Variants in PCDH9 observed in about 807,000 individuals in gnomAD.
PCDH9 encodes protocadherin-9.
A neutral mutation model predicts 70.6 loss-of-function variants in PCDH9; 24 were observed. The ratio of observed to expected loss-of-function variants is 0.34; its 90% CI spans 0.25 to 0.48. The LOEUF (loss-of-function observed/expected upper bound fraction) is 0.48. Among genes scored for constraint, PCDH9 ranks in the 20% least tolerant of loss-of-function variants. The pLI is 0.99. For missense variants in PCDH9, 1,281 were observed against 1,503.6 expected, an observed-to-expected ratio of 0.85 and a Z score of 2.45; for synonymous variants, 562 against 558.5, an observed-to-expected ratio of 1.01 and a Z score of -0.09.
intron 4 of PCDH9, among the ~76,000 whole-genome samples, chr13:66,587,206 G>T (rs1450146002): frequency 1.3e-5 from 2 of 152,002 alleles, no homozygotes. Context: ...ACTGAAGTAA[G>T]AGGATCCCTT....
At chr13:66,747,585 T>A (rs532147646) in intron 3 of PCDH9, among the ~76,000 whole-genome samples, 1 of 152,230 alleles carries the variant, frequency 6.6e-6, no homozygotes, top group African/African-American at 2.4e-5. Flanking sequence ...AGAATATACT[T>A]ATTAGGTGGT....
chr13:66,763,240 A>T (rs1484955550), intron 3 of PCDH9, among the ~76,000 whole-genome samples: 1 of 152,030 alleles, frequency 6.6e-6, no homozygotes, highest in Non-Finnish European at 1.5e-5. Context: ...AAGCCATGAT[A>T]AATACATATC....
At chr13:66,477,677 T>C (rs1299389175) in intron 4 of PCDH9, among the ~76,000 whole-genome samples, 1 of 152,192 alleles carries the variant, frequency 6.6e-6, no homozygotes, top group Non-Finnish European at 1.5e-5. Context: ...CTTATAGTGT[T>C]TTACATATTA....
At chr13:66,691,320 G>A (rs1328150021) in intron 3 of PCDH9, among the ~76,000 whole-genome samples, 23 of 152,154 alleles carry the variant, frequency 1.5e-4, no homozygotes, top group Admixed American at 1.5e-3. Flanking sequence ...TTACAGTCAT[G>A]AGCCACCGCA....
At chr13:66,350,792 C>A (rs544613491) in intron 4 of PCDH9, among the ~76,000 whole-genome samples, 24 of 152,294 alleles carry the variant, frequency 1.6e-4, no homozygotes, top group African/African-American at 5.8e-4. Context: ...GGCATTCCTG[C>A]TTCTTATTTT....
At chr13:67,113,685 C>G (rs2086702849) in intron 2 of PCDH9, among the ~76,000 whole-genome samples, 1 of 152,044 alleles carries the variant, frequency 6.6e-6, no homozygotes, top group African/African-American at 2.4e-5. Context: ...GTAGCTGGGA[C>G]TACAGGCGCC....
intron 3 of PCDH9, among the ~76,000 whole-genome samples, chr13:66,646,790 G>GGC (rs961413006): frequency 3.9e-5 from 6 of 152,262 alleles, no homozygotes; most frequent in African/African-American, 1.2e-4. Context: ...CATTGAAAGA[G>GGC]GCGTTGAAGA....
At chr13:67,115,964 T>C (rs1016658055) in intron 2 of PCDH9, among the ~76,000 whole-genome samples, 2 of 152,222 alleles carry the variant, frequency 1.3e-5, no homozygotes, top group Non-Finnish European at 2.9e-5. Context: ...CTAGTCAGAT[T>C]GCCCAGTTTT....
chr13:67,152,777 G>C (rs1450043532), intron 2 of PCDH9, among the ~76,000 whole-genome samples: 1 of 152,090 alleles, frequency 6.6e-6, no homozygotes, highest in Non-Finnish European at 1.5e-5. Flanking sequence ...CACGTTCTTT[G>C]GGCAAACCTC....
chr13:66,610,150 C>T (rs1436011744), intron 4 of PCDH9, among the ~76,000 whole-genome samples: 4 of 151,826 alleles, frequency 2.6e-5, no homozygotes, highest in African/African-American at 7.3e-5. Flanking sequence ...GTTCATCATG[C>T]TTTGCTTATA....
chr13:66,349,081 G>GCAGT (rs1956255848), intron 4 of PCDH9, among the ~76,000 whole-genome samples: 1 of 152,132 alleles, frequency 6.6e-6, no homozygotes, highest in African/African-American at 2.4e-5. Context: ...ATCAGAAACT[G>GCAGT]CAGTGGTGCA....
At chr13:66,852,678 C>A (rs1042149108) in intron 3 of PCDH9, among the ~76,000 whole-genome samples, 7 of 152,154 alleles carry the variant, frequency 4.6e-5, no homozygotes, top group African/African-American at 1.7e-4. Flanking sequence ...ATGCTGATTG[C>A]ATTTACTTTG....
At chr13:66,518,796 G>A (rs1348279664) in intron 4 of PCDH9, among the ~76,000 whole-genome samples, 2 of 152,134 alleles carry the variant, frequency 1.3e-5, no homozygotes, top group Non-Finnish European at 1.5e-5. Context: ...GAGGGGCAAA[G>A]GGATTCAATG....
At chr13:66,858,456 A>G (rs1340493896) in intron 3 of PCDH9, among the ~76,000 whole-genome samples, 1 of 152,180 alleles carries the variant, frequency 6.6e-6, no homozygotes, top group East Asian at 1.9e-4. Context: ...TGCCATGTCC[A>G]AACCTAACAC....
chr13:67,163,191 C>T (rs1018268867), intron 2 of PCDH9, among the ~76,000 whole-genome samples: 1 of 152,074 alleles, frequency 6.6e-6, no homozygotes, highest in African/African-American at 2.4e-5. Flanking sequence ...TCTCACCCAG[C>T]CCCGAAAAAT....
intron 2 of PCDH9, among the ~76,000 whole-genome samples, chr13:67,091,949 A>G (rs561438700): frequency 2.0e-5 from 3 of 152,256 alleles, no homozygotes; most frequent in Non-Finnish European, 4.4e-5. Flanking sequence ...AAATTGTTTT[A>G]TAATTATCAG....
At chr13:67,054,910 G>A (rs935786150) in intron 2 of PCDH9, among the ~76,000 whole-genome samples, 1 of 152,146 alleles carries the variant, frequency 6.6e-6, no homozygotes, top group Non-Finnish European at 1.5e-5. Flanking sequence ...AAGGGGAAAT[G>A]AGAGAATATG....
At chr13:66,931,232 A>T (rs2082802790) in intron 2 of PCDH9, among the ~76,000 whole-genome samples, 1 of 152,178 alleles carries the variant, frequency 6.6e-6, no homozygotes, top group Non-Finnish European at 1.5e-5. Flanking sequence ...TTCCATTTAT[A>T]TATGTCACCT....
rs148737049 is a variant in PCDH9 at position 67,152,290 on chromosome 13, A to C, written c.3036+73115T>G. Among the ~76,000 whole-genome samples, 314 of 152,330 alleles carry C rather than the reference A, an allele frequency of 2.1e-3. 2 individuals are homozygous for C. Among genetic ancestry groups the C allele is most frequent in the Middle Eastern group, 6.8e-3 (2 of 294 alleles). ...CTCCATGCCTGATACAATTTAGTTC[A>C]AATTTATGAAATCCACTGGTTCCAG... On this transcript the variant is annotated intron_variant, in intron 2 of 4. Coordinates refer to ENST00000377865, the MANE Select transcript of PCDH9 (RefSeq NM_203487.3).
Sources: allele counts gnomAD v4.1 joint callset (sites outside exome capture counted in the v4.1 genomes callset), GRCh38; gene constraint gnomAD v4.1.1; transcripts MANE v1.5; gene names NCBI Gene and HGNC (gene_info 2026-07-23, HGNC 2026-07-21).